UNC119B: variants seen among roughly 807,000 people sequenced by gnomAD.
UNC119B encodes protein unc-119 homolog B.
In UNC119B, 16 loss-of-function variants were observed where a neutral mutation model predicts 23.4. The ratio of observed to expected loss-of-function variants is 0.68; its 90% CI spans 0.46 to 1.04. The LOEUF is 1.04. UNC119B is among the 50% of genes least tolerant of loss of function. The pLI is 0.00. For missense variants in UNC119B, 350 were observed against 361.3 expected (o/e 0.97, Z 0.25); for synonymous variants, 144 against 145.4 (o/e 0.99, Z 0.07).
At chr12:120,718,183 A>G (rs1720063488) in intron 4 of UNC119B, among the ~76,000 whole-genome samples, 2 of 152,048 alleles carry the variant, frequency 1.3e-5, no homozygotes. Flanking sequence ...GAAGGTTTTA[A>G]TAATACAGGC....
Position 120,716,925 on chromosome 12 carries a change from C to T in UNC119B, c.526C>T (p.His176Tyr). The T allele has an allele frequency of 6.2e-7, 1 of 1,613,716 alleles. No individual in the cohort carries two copies. Among genetic ancestry groups the T allele is most frequent in the South Asian group, 1.1e-5 (1 of 91,006 alleles). The change falls in exon 4 of 5, where the codon CAC (histidine) becomes TAC (tyrosine). Residue 176 changes from histidine (H) to tyrosine (Y), a missense_variant. Physicochemically the swap from His to Tyr is moderately conservative, Grantham distance 83 (BLOSUM62 2). Coordinates refer to ENST00000344651, the MANE Select transcript of UNC119B (RefSeq NM_001080533.3). ...PVSNFRMIER[H>Y]YFREHLLKNF... ...TTCAAACTTCCGGATGATCGAACGG[C>T]ACTATTTCCGGGAACACTTGCTGAA...
rs1592925378 is a variant in UNC119B, at chr12:120,710,521, G to T, written c.47G>T (p.Gly16Val). 2.2e-6 allele frequency: 3 copies of T among 1,366,828 alleles called. No individual in the cohort carries two copies. The East Asian group carries it at 9.1e-5, about 42-fold the overall frequency. The allele number at this position is 1,366,828 out of a possible 1,614,324, so 84.7% of individuals were successfully genotyped here. A position where few individuals can be genotyped will look rare whatever the true frequency, so the allele number is the denominator to read the frequency against. The change falls in exon 1 of 5, where the codon GGG becomes GTG. Residue 16 changes from glycine (G) to valine (V), a missense_variant. By Grantham distance (109) the Gly-to-Val change is moderately radical (BLOSUM62 -3). Coordinates refer to ENST00000344651, the MANE Select transcript of UNC119B (RefSeq NM_001080533.3). Reference sequence around the variant, plus strand: ...GCTGCGGCCGCGGCGTCGGCGGCTGGGCCCGGGGGGCTGGTGGCTGGCAAG... The same window carrying T: ...GCTGCGGCCGCGGCGTCGGCGGCTGTGCCCGGGGGGCTGGTGGCTGGCAAG... ...PKAAAAASAA[G>V]PGGLVAGKEE...
At chr12:120,714,954 G>A (rs1020834129) in intron 2 of UNC119B, among the ~76,000 whole-genome samples, 4 of 152,172 alleles carry the variant, frequency 2.6e-5, no homozygotes, top group African/African-American at 4.8e-5. Context: ...TCGGGAGGCT[G>A]AGGCAGGCAG....
At chr12:120,719,813 G>A (rs1882851093) in intron 4 of UNC119B, 107 bp from the exon 5 acceptor site, 4 of 731,594 alleles carry the variant, frequency 5.5e-6, no homozygotes, top group Non-Finnish European at 9.5e-6. Flanking sequence ...ATACTCTGAA[G>A]CGCTGGCTTA....
chr12:120,713,764 A>G (rs1010524511), intron 2 of UNC119B, among the ~76,000 whole-genome samples: 1 of 152,232 alleles, frequency 6.6e-6, no homozygotes, highest in Non-Finnish European at 1.5e-5. Flanking sequence ...CAGTTGGGAA[A>G]GGAATCCTTG....
intron 2 of UNC119B, among the ~76,000 whole-genome samples, chr12:120,715,030 A>C (rs1456618958): frequency 1.3e-5 from 2 of 152,042 alleles, no homozygotes; most frequent in Non-Finnish European, 2.9e-5. Flanking sequence ...CTGTACAAAA[A>C]ATACAAAAAA....
At chr12:120,716,125 G>A (rs1695786830) in intron 2 of UNC119B, among the ~76,000 whole-genome samples, 1 of 152,206 alleles carries the variant, frequency 6.6e-6, no homozygotes, top group African/African-American at 2.4e-5. Context: ...GTCAACTTTT[G>A]TAGCCTCATT....
chr12:120,716,196 G>C (rs1008243211), intron 2 of UNC119B, among the ~76,000 whole-genome samples: 1 of 152,160 alleles, frequency 6.6e-6, no homozygotes, highest in African/African-American at 2.4e-5. Flanking sequence ...GAATAGAATA[G>C]ACCATGTCAG....
intron 2 of UNC119B, 101 bp from the exon 3 acceptor site, chr12:120,716,527 G>T: frequency 1.7e-6 from 2 of 1,192,856 alleles, no homozygotes; most frequent in South Asian, 2.4e-5. Context: ...TGTTGGTGTG[G>T]TTACTGGGAT....
rs1217193977 is a variant in UNC119B, at chr12:120,720,765, C to T, written c.*733C>T. 2 of 152,282 alleles carry T rather than the reference C, an allele frequency of 1.3e-5. No homozygotes were observed. The highest frequency in any genetic ancestry group is 2.9e-5 in the Non-Finnish European group (2 of 68,076). The allele number at this position is 152,282 out of a possible 1,614,324, so 9.4% of individuals were successfully genotyped here. ...CAAGCTTGCTCCACATCTCCTGGCTCCTCCCTTCTGAGTCTCATGAAATAG... is the reference window on the plus strand; with the variant it reads ...CAAGCTTGCTCCACATCTCCTGGCTTCTCCCTTCTGAGTCTCATGAAATAG... On this transcript the variant is annotated 3_prime_UTR_variant, in exon 5 of 5. Transcript: ENST00000344651.
Position 120,716,964 on chromosome 12 carries a change from G to A in UNC119B, c.565G>A (p.Asp189Asn). 1 of 1,613,784 alleles carries A rather than the reference G, an allele frequency of 6.2e-7. No individual in the cohort carries two copies. The highest frequency in any genetic ancestry group is 8.5e-7 in the Non-Finnish European group (1 of 1,179,846). The change falls in exon 4 of 5, where the codon GAT becomes AAT. Residue 189 changes from aspartate (D) to asparagine (N), a missense_variant. By Grantham distance (23) the Asp-to-Asn change is conservative. Transcript: ENST00000344651. ...ACACTTGCTGAAAAACTTTGACTTT[G>A]ATTTTGGCTTCTGCATCCCCAGCAG... ...REHLLKNFDFDFGFCIPSSRN... is the reference protein window; with the variant it reads ...REHLLKNFDFNFGFCIPSSRN...
Position 120,720,244 on chromosome 12 carries a change from G to A in UNC119B, c.*212G>A, listed in dbSNP as rs563762346. Reference sequence around the variant, plus strand: ...TTTTCTTCCCTTTTTTTCCTGCCCCGTAGGTTGCAGAGGTACTATAGTAAA... The same window carrying A: ...TTTTCTTCCCTTTTTTTCCTGCCCCATAGGTTGCAGAGGTACTATAGTAAA... On this transcript the variant is annotated 3_prime_UTR_variant, in exon 5 of 5. Coordinates refer to ENST00000344651, the MANE Select transcript of UNC119B (RefSeq NM_001080533.3). The A allele has an allele frequency of 8.9e-6, 5 of 562,456 alleles. No homozygotes were observed. Among genetic ancestry groups the A allele is most frequent in the South Asian group, 6.6e-5 (3 of 45,406 alleles). The allele number at this position is 562,456 out of a possible 1,614,324, so 34.8% of individuals were successfully genotyped here.
rs765961862 is a variant in UNC119B at position 120,719,934 on chromosome 12, G to C, written c.658G>C (p.Glu220Gln). The part of the protein sequence containing the change: ...LSEDVIRLMI[E>Q]NPYETRSDSF... Reference sequence around the variant, plus strand: ...CTGACTTGCAGTTCGTCTAATGATTGAAAATCCTTACGAGACCCGCTCTGA... The same window carrying C: ...CTGACTTGCAGTTCGTCTAATGATTCAAAATCCTTACGAGACCCGCTCTGA... Residue 220 changes from glutamate (E) to glutamine (Q), a missense_variant, in exon 5 of 5, where the codon GAA becomes CAA. Transcript: ENST00000344651. 1.2e-6 allele frequency: 2 copies of C among 1,613,892 alleles called. No individual in the cohort carries two copies. The highest frequency in any genetic ancestry group is 3.3e-5 in the Admixed American group (2 of 60,002).
At position 120,710,595 on chromosome 12, in the gene UNC119B, C is replaced by T; in HGVS notation, c.121C>T (p.Arg41Trp). Residue 41 changes from arginine to tryptophan, a missense_variant, in exon 1 of 5, where the codon CGG (arginine) becomes TGG (tryptophan). Coordinates refer to ENST00000344651, the MANE Select transcript of UNC119B (RefSeq NM_001080533.3). ...CGGCGTCCTGAACCGCCTGAAGGCG[C>T]GGCGGCAGGCGCCCCACCACGCGGC... ...GGGVLNRLKA[R>W]RQAPHHAADD... 7.0e-7 allele frequency: 1 copy of T among 1,428,892 alleles called. No individual in the cohort carries two copies. Among genetic ancestry groups the T allele is most frequent in the Non-Finnish European group, 9.1e-7 (1 of 1,096,784 alleles). The allele number at this position is 1,428,892 out of a possible 1,614,324, so 88.5% of individuals were successfully genotyped here.
chr12:120,714,371 C>T (rs995091904), intron 2 of UNC119B, among the ~76,000 whole-genome samples: 33 of 151,872 alleles, frequency 2.2e-4, no homozygotes, highest in African/African-American at 2.9e-4. Flanking sequence ...CCCAGGCTGG[C>T]GTGCAGTGGC....
chr12:120,716,270 A>T (rs966211802), intron 2 of UNC119B, among the ~76,000 whole-genome samples: 3 of 152,206 alleles, frequency 2.0e-5, no homozygotes, highest in Non-Finnish European at 4.4e-5. Context: ...CTCTCAAACT[A>T]TTAAAAAAGG....
rs184225867 is a variant in UNC119B at position 120,710,975 on chromosome 12, C to T, written c.244+257C>T. 2.6e-4 allele frequency: 79 copies of T among 308,676 alleles called. 1 individual carries two copies. In the East Asian group the frequency reaches 3.7e-3, roughly 14 times the overall value. The allele number at this position is 308,676 out of a possible 1,614,324, so 19.1% of individuals were successfully genotyped here. A position where few individuals can be genotyped will look rare whatever the true frequency, so the allele number is the denominator to read the frequency against. On this transcript the variant is annotated intron_variant, in intron 1 of 4. Transcript: ENST00000344651. ...AGGATGCCCTTCGGCCGGTCGGCTC[C>T]CCAGCTCTGCCGGACCTGTTTGGGT...
At chr12:120,719,789 T>TA (rs1312628501) in intron 4 of UNC119B, 131 bp from the exon 5 acceptor site, 1 of 647,116 alleles carries the variant, frequency 1.5e-6, no homozygotes, top group Non-Finnish European at 2.7e-6. Flanking sequence ...ACCTCATCGT[T>TA]ATTCTGGCAG....
chr12:120,719,205 G>A (rs574450283), intron 4 of UNC119B, among the ~76,000 whole-genome samples: 21 of 152,118 alleles, frequency 1.4e-4, no homozygotes, highest in Non-Finnish European at 4.4e-5. Flanking sequence ...TCTCCAGTAT[G>A]GTTAAAGACT....
Sources: allele counts gnomAD v4.1 joint callset (sites outside exome capture counted in the v4.1 genomes callset), GRCh38; gene constraint gnomAD v4.1.1; transcripts MANE v1.5; gene names NCBI Gene and HGNC (gene_info 2026-07-23, HGNC 2026-07-21).